Variants in C19orf38 observed in about 807,000 individuals in gnomAD.
C19orf38 encodes the protein protein HIDE1.
C19orf38 carries 14 observed loss-of-function variants against 26.6 expected under a neutral mutation model. That is an observed-to-expected ratio of 0.53 (90% CI 0.35 to 0.82). The LOEUF (loss-of-function observed/expected upper bound fraction) is 0.82, where lower values mean the gene tolerates loss of function less well. Among genes scored for constraint, C19orf38 ranks in the 40% least tolerant of loss-of-function variants. The pLI is 0.01. For missense variants in C19orf38, 261 were observed against 299.5 expected (o/e 0.87, Z 0.95); for synonymous variants, 132 against 128.5 (o/e 1.03, Z -0.18).
chr19:10,868,725 C>T (rs959230016), intron 6 of C19orf38, among the ~76,000 whole-genome samples: 3 of 151,866 alleles, frequency 2.0e-5, no homozygotes, highest in African/African-American at 2.4e-5. Flanking sequence ...AGGCTGGTCT[C>T]GAACTCCTGA....
intron 2 of C19orf38, among the ~76,000 whole-genome samples, chr19:10,853,828 T>G (rs1196256231): frequency 6.6e-6 from 1 of 151,262 alleles, no homozygotes; most frequent in African/African-American, 2.4e-5. Context: ...AATCTCCTGA[T>G]CTTGTGATCC....
chr19:10,849,621 A>T (rs1368292575), intron 1 of C19orf38, among the ~76,000 whole-genome samples: 1 of 152,018 alleles, frequency 6.6e-6, no homozygotes, highest in African/African-American at 2.4e-5. Flanking sequence ...GGTGGCACAT[A>T]GTCCCAGGTA....
intron 5 of C19orf38, among the ~76,000 whole-genome samples, chr19:10,861,259 T>C (rs2073695296): frequency 6.6e-6 from 1 of 152,220 alleles, no homozygotes; most frequent in East Asian, 1.9e-4. Context: ...CATGTCTATC[T>C]CCGGGACTCC....
chr19:10,850,456 G>C lies in C19orf38; in HGVS notation c.229G>C (p.Gly77Arg). 1 of 1,551,484 alleles carries C rather than the reference G, an allele frequency of 6.4e-7. No homozygotes were observed. Among genetic ancestry groups the C allele is most frequent in the East Asian group, 2.4e-5 (1 of 40,910 alleles). Residue 77 changes from glycine (G) to arginine (R), a missense_variant, in exon 2 of 7, where the codon GGC (glycine) becomes CGC (arginine). Gly to Arg is a moderately radical substitution (Grantham distance 125). Coordinates refer to ENST00000397820, the MANE Select transcript of C19orf38 (RefSeq NM_001136482.3). ...CGGGGTGACATTTAACCTGAGCGGC[G>C]GCAGCAGCAAGGCTCCAGGGGGACC... ...QRGVTFNLSGGSSKAPGGPFH... is the reference protein window; with the variant it reads ...QRGVTFNLSGRSSKAPGGPFH...
Position 10,848,481 on chromosome 19 carries a change from C to T in C19orf38, c.-28C>T, listed in dbSNP as rs548441287. 3.0e-5 allele frequency: 46 copies of T among 1,551,522 alleles called. No individual in the cohort carries two copies. The highest frequency in any genetic ancestry group is 2.7e-4 in the South Asian group (23 of 84,056). The stretch of plus-strand genomic sequence containing the variant: ...AGCCTTGGGCCCCTCTGGCCTCAGC[C>T]GGATTTCCCAGCCAAACGCAGAGAG... On this transcript the variant is annotated 5_prime_UTR_variant, in exon 1 of 7. Coordinates refer to ENST00000397820, the MANE Select transcript of C19orf38 (RefSeq NM_001136482.3).
intron 3 of C19orf38, among the ~76,000 whole-genome samples, chr19:10,857,894 A>AAAAGAAAGAAAG (rs111685154): frequency 0.026 from 3,679 of 142,476 alleles, 66 homozygotes; most frequent in Non-Finnish European, 0.041. Flanking sequence ...AAACAACAAA[A>AAAAGAAAGAAAG]AAAGAAAGAA....
At chr19:10,855,625 T>G (rs751323524) in intron 2 of C19orf38, among the ~76,000 whole-genome samples, 2 of 152,090 alleles carry the variant, frequency 1.3e-5, no homozygotes, top group African/African-American at 4.8e-5. Context: ...GCCTCCCGGG[T>G]TCAAGTGATT....
intron 1 of C19orf38, among the ~76,000 whole-genome samples, chr19:10,842,720 G>A (rs2073487478): frequency 6.6e-6 from 1 of 152,070 alleles, no homozygotes. Flanking sequence ...CTGTGCAACA[G>A]AGAGAGACCC....
chr19:10,869,511 T>C lies in C19orf38; in HGVS notation c.*144T>C. On this transcript the variant is annotated 3_prime_UTR_variant, in exon 7 of 7. Transcript: ENST00000397820. ...GGGAACCCTGGCCTTGGGATTTTCA[T>C]CACAGAGGAGTGGGAGAGGGGACAC... 8.3e-7 allele frequency: 1 copy of C among 1,209,474 alleles called. No individual in the cohort carries two copies. The highest frequency in any genetic ancestry group is 1.6e-5 in the South Asian group (1 of 61,000). 74.9% of individuals were successfully genotyped at this position (1,209,474 alleles called of 1,614,324 possible). A position where few individuals can be genotyped will look rare whatever the true frequency, so the allele number is the denominator to read the frequency against.
intron 5 of C19orf38, among the ~76,000 whole-genome samples, chr19:10,860,559 A>AAAT (rs71164126): frequency 1.4e-5 from 2 of 138,328 alleles, no homozygotes; most frequent in Admixed American, 7.4e-5. Flanking sequence ...AAAAAAAAAA[A>AAAT]GGCCAGGCGT....
In C19orf38 at chr19:10,838,027, A is replaced by AG. The variant is rs139337019; in HGVS notation, c.-69+1258dup. Among the ~76,000 whole-genome samples the AG allele has an allele frequency of 5.2e-3, 791 of 152,300 alleles. 9 individuals are homozygous for AG. Among genetic ancestry groups the AG allele is most frequent in the African/African-American group, 0.018 (764 of 41,566 alleles). On this transcript the variant is annotated intron_variant, in intron 1 of 7. Coordinates refer to the C19orf38 transcript ENST00000592854. ...GGCTGGTTTCAAACTCCTGGGCTCA[A>AG]GCCATCTGCCTGCTCCCTCACCCTC...
intron 2 of C19orf38, among the ~76,000 whole-genome samples, chr19:10,854,202 A>G (rs1277861424): frequency 1.3e-5 from 2 of 151,810 alleles, no homozygotes; most frequent in African/African-American, 2.4e-5. Flanking sequence ...AGCTGGGACT[A>G]CAGGCGCCAA....
At chr19:10,860,796 G>A (rs1333848241) in intron 5 of C19orf38, among the ~76,000 whole-genome samples, 41 of 145,586 alleles carry the variant, frequency 2.8e-4, no homozygotes, top group Non-Finnish European at 3.4e-4. Context: ...AGCCCAGATC[G>A]CGCCACTGTA....
intron 1 of C19orf38, among the ~76,000 whole-genome samples, chr19:10,849,667 C>T (rs900208060): frequency 7.9e-5 from 12 of 151,676 alleles, no homozygotes; most frequent in Non-Finnish European, 1.3e-4. Context: ...CCAGCCTGGG[C>T]GACAAAGCAA....
chr19:10,844,991 T>TATAAAAAAAAAA (rs2073505645), upstream of C19orf38, among the ~76,000 whole-genome samples: 1 of 95,572 alleles, frequency 1.0e-5, no homozygotes, highest in South Asian at 3.4e-4. Flanking sequence ...ACCCTTTCTC[T>TATAAAAAAAAAA]ACAAAAAAAA....
intron 2 of C19orf38, among the ~76,000 whole-genome samples, chr19:10,853,779 A>G (rs971213762): frequency 3.0e-4 from 45 of 148,270 alleles, no homozygotes; most frequent in African/African-American, 1.1e-3. Context: ...TTTTTTTTTT[A>G]GTAAGAAGGG....
chr19:10,851,015 C>T (rs979767432), intron 2 of C19orf38, among the ~76,000 whole-genome samples: 4 of 152,212 alleles, frequency 2.6e-5, no homozygotes, highest in African/African-American at 9.6e-5. Flanking sequence ...ATGAATTACA[C>T]CTCCGTGACA....
chr19:10,841,896 G>C, intron 1 of C19orf38: 1 of 1,589,996 alleles, frequency 6.3e-7, no homozygotes, highest in Non-Finnish European at 8.6e-7. Flanking sequence ...TTCTTATCCT[G>C]ATTCAAATGG....
chr19:10,852,881 G>C (rs763517534), intron 2 of C19orf38, among the ~76,000 whole-genome samples: 3 of 151,848 alleles, frequency 2.0e-5, no homozygotes, highest in Non-Finnish European at 4.4e-5. Context: ...AAGCAGGAGG[G>C]AGGAGCCTTT....
Sources: allele counts gnomAD v4.1 joint callset (sites outside exome capture counted in the v4.1 genomes callset), GRCh38; gene constraint gnomAD v4.1.1; transcripts MANE v1.5; gene names NCBI Gene and HGNC (gene_info 2026-07-23, HGNC 2026-07-21).